The following RBFOX1 variants were observed in gnomAD, a reference collection of about 807,000 sequenced individuals.
The protein encoded by RBFOX1 is RNA binding fox-1 homolog 1, also known as RNA binding protein fox-1 homolog 1.
A neutral mutation model predicts 57.7 loss-of-function variants in RBFOX1; 8 were observed. That is an observed-to-expected ratio of 0.14 (90% CI 0.08 to 0.25). RBFOX1 has a LOEUF of 0.25. Among genes scored for constraint, RBFOX1 ranks in the 10% least tolerant of loss-of-function variants. The pLI is 1.00. For synonymous variants in RBFOX1, 326 were observed against 222.4 expected (o/e 1.47, Z -4.15); for missense variants, 611 against 548.5 (o/e 1.11, Z -1.14).
chr16:6,131,302 A>G (rs1486008293), intron 1 of RBFOX1, among the ~76,000 whole-genome samples: 2 of 152,202 alleles, frequency 1.3e-5, no homozygotes, highest in Non-Finnish European at 2.9e-5. Flanking sequence ...TGTTTTTGTA[A>G]ACAAAATGTT....
intron 2 of RBFOX1, among the ~76,000 whole-genome samples, chr16:6,555,220 A>G (rs1472540409): frequency 2.0e-5 from 3 of 152,226 alleles, no homozygotes. Flanking sequence ...TGCATTCCAT[A>G]TCAGGTAAGA....
At chr16:7,187,875 G>C (rs924918299) in intron 4 of RBFOX1, among the ~76,000 whole-genome samples, 12 of 151,812 alleles carry the variant, frequency 7.9e-5, no homozygotes, top group African/African-American at 2.9e-4. Flanking sequence ...GGTCATATTG[G>C]AAAATGTTCA....
At chr16:5,423,949 G>T (rs2067433496) in intron 1 of RBFOX1, among the ~76,000 whole-genome samples, 1 of 152,102 alleles carries the variant, frequency 6.6e-6, no homozygotes, top group South Asian at 2.1e-4. Flanking sequence ...GGTTTTCTGG[G>T]CATTATTACC....
At chr16:7,004,504 G>A (rs994445642) in intron 3 of RBFOX1, among the ~76,000 whole-genome samples, 1 of 152,162 alleles carries the variant, frequency 6.6e-6, no homozygotes, top group Non-Finnish European at 1.5e-5. Context: ...CAGTAAGTTG[G>A]TATGCCAGCA....
At chr16:5,870,216 C>T (rs8053579) in intron 4 of RBFOX1, among the ~76,000 whole-genome samples, 1 of 150,006 alleles carries the variant, frequency 6.7e-6, no homozygotes, top group African/African-American at 2.4e-5. Flanking sequence ...ATAGTGGTTA[C>T]CTCTGGGAGG....
chr16:7,088,439 A>T (rs1026736970), intron 4 of RBFOX1, among the ~76,000 whole-genome samples: 1 of 152,114 alleles, frequency 6.6e-6, no homozygotes, highest in South Asian at 2.1e-4. Context: ...GTGTGTCCGT[A>T]TGTGTGTATG....
At chr16:6,382,958 T>G (rs1025653598) in intron 2 of RBFOX1, among the ~76,000 whole-genome samples, 24 of 152,318 alleles carry the variant, frequency 1.6e-4, no homozygotes, top group African/African-American at 5.8e-4. Flanking sequence ...CTCTAAATCC[T>G]GACAAGCCAG....
At chr16:7,193,349 C>G (rs2085892367) in intron 4 of RBFOX1, among the ~76,000 whole-genome samples, 2 of 152,154 alleles carry the variant, frequency 1.3e-5, no homozygotes, top group Non-Finnish European at 1.5e-5. Context: ...TCCCTAGAAC[C>G]TCCAGAAAAG....
intron 3 of RBFOX1, among the ~76,000 whole-genome samples, chr16:6,706,055 G>T (rs927663273): frequency 1.3e-5 from 2 of 152,178 alleles, no homozygotes; most frequent in East Asian, 3.9e-4. Context: ...AGGTTAGATG[G>T]ACAGAATTGT....
chr16:6,361,989 GAAGAA>G (rs1248529789), intron 2 of RBFOX1, among the ~76,000 whole-genome samples: 1 of 152,060 alleles, frequency 6.6e-6, no homozygotes, highest in Non-Finnish European at 1.5e-5. Flanking sequence ...ATACAGCTGA[GAAGAA>G]AACAAGCAAA....
chr16:6,864,123 C>T (rs909524823), intron 3 of RBFOX1, among the ~76,000 whole-genome samples: 4 of 151,770 alleles, frequency 2.6e-5, no homozygotes, highest in African/African-American at 4.8e-5. Context: ...GCGAAGGAGT[C>T]TCTTTAGCAG....
intron 11 of RBFOX1, among the ~76,000 whole-genome samples, chr16:7,634,868 C>T (rs1218257546): frequency 6.6e-6 from 1 of 152,100 alleles, no homozygotes; most frequent in Non-Finnish European, 1.5e-5. Flanking sequence ...GAAGAAAGAA[C>T]AAAACTCTAG....
intron 4 of RBFOX1, among the ~76,000 whole-genome samples, chr16:7,409,673 C>T (rs893846488): frequency 2.0e-5 from 3 of 152,250 alleles, no homozygotes; most frequent in African/African-American, 7.2e-5. Context: ...GCCAGACCTT[C>T]TATCCTTGGC....
At chr16:5,587,393 C>G (rs2151172794) in intron 2 of RBFOX1, among the ~76,000 whole-genome samples, 1 of 152,320 alleles carries the variant, frequency 6.6e-6, no homozygotes, top group Non-Finnish European at 1.5e-5. Flanking sequence ...CCACTGCACA[C>G]CCATTAGAAT....
intron 3 of RBFOX1, among the ~76,000 whole-genome samples, chr16:5,759,426 C>G (rs1240523425): frequency 1.3e-5 from 2 of 152,212 alleles, no homozygotes; most frequent in African/African-American, 4.8e-5. Context: ...CATTTGCCTC[C>G]TCACATCATG....
intron 1 of RBFOX1, among the ~76,000 whole-genome samples, chr16:6,232,627 G>T (rs754724646): frequency 3.3e-5 from 5 of 152,168 alleles, no homozygotes; most frequent in Admixed American, 6.5e-5. Context: ...TATAGTGTGA[G>T]CTTTAGAAAC....
At chr16:6,528,068 C>T (rs2096605679) in intron 2 of RBFOX1, among the ~76,000 whole-genome samples, 6 of 152,160 alleles carry the variant, frequency 3.9e-5, no homozygotes, top group Admixed American at 3.9e-4. Flanking sequence ...CCTCAAAGAT[C>T]AACAAAATCT....
chr16:7,130,027 T>A (rs1389129146), intron 4 of RBFOX1, among the ~76,000 whole-genome samples: 2 of 150,178 alleles, frequency 1.3e-5, no homozygotes, highest in Non-Finnish European at 2.9e-5. Flanking sequence ...TCTTCATTTT[T>A]GAAGATTTTT....
intron 2 of RBFOX1, among the ~76,000 whole-genome samples, chr16:6,535,125 T>G (rs2096717338): frequency 6.6e-6 from 1 of 152,190 alleles, no homozygotes; most frequent in Non-Finnish European, 1.5e-5. Context: ...AGTGAACAAC[T>G]GCAGTTAGAG....
Sources: gnomAD v4.1 joint callset for allele counts (sites outside exome capture counted in the v4.1 genomes callset) on GRCh38, gnomAD v4.1.1 for gene constraint, MANE v1.5 for transcripts, NCBI Gene and HGNC (gene_info 2026-07-23, HGNC 2026-07-21) for gene names.